Variants in PTPRD observed in about 807,000 individuals in gnomAD.
The protein encoded by PTPRD is receptor-type tyrosine-protein phosphatase delta.
Under a neutral mutation model 214.5 loss-of-function variants are expected in PTPRD, and 34 were observed. The ratio of observed to expected loss-of-function variants is 0.16; its 90% confidence interval spans 0.12 to 0.21. The LOEUF is 0.21. Among genes scored for constraint, PTPRD ranks in the 10% least tolerant of loss-of-function variants. PTPRD has a pLI of 1.00. For missense variants in PTPRD, 2,545 were observed against 2,398.7 expected (o/e 1.06, Z -1.27); for synonymous variants, 1,128 against 845.7 (o/e 1.33, Z -5.79).
intron 5 of PTPRD, among the ~76,000 whole-genome samples, chr9:9,932,507 C>T (rs1401899408): frequency 1.0e-3 from 131 of 130,636 alleles, no homozygotes; most frequent in Middle Eastern, 3.6e-3. Flanking sequence ...TGAAATGAAG[C>T]GAGAAGGGAA....
chr9:9,164,029 C>A (rs1193089577), intron 10 of PTPRD, among the ~76,000 whole-genome samples: 1 of 152,072 alleles, frequency 6.6e-6, no homozygotes, highest in African/African-American at 2.4e-5. Flanking sequence ...TATGTACTTC[C>A]CTTATCATAA....
intron 11 of PTPRD, among the ~76,000 whole-genome samples, chr9:8,997,819 A>C (rs754970869): frequency 6.6e-6 from 1 of 152,102 alleles, no homozygotes; most frequent in Non-Finnish European, 1.5e-5. Flanking sequence ...TCTTGAAGGA[A>C]ATTAAAAGTC....
intron 12 of PTPRD, among the ~76,000 whole-genome samples, chr9:8,720,437 G>C (rs1227943730): frequency 1.3e-5 from 2 of 152,172 alleles, no homozygotes; most frequent in East Asian, 3.8e-4. Context: ...TTCAAGGAGT[G>C]GGGAAACGGA....
At chr9:9,376,011 G>A (rs1400872028) in intron 9 of PTPRD, among the ~76,000 whole-genome samples, 1 of 152,098 alleles carries the variant, frequency 6.6e-6, no homozygotes, top group South Asian at 2.1e-4. Context: ...CATTCTCCTT[G>A]TAAAGAAGGT....
chr9:8,739,287 G>C (rs531578617), intron 11 of PTPRD, among the ~76,000 whole-genome samples: 13 of 152,320 alleles, frequency 8.5e-5, no homozygotes, highest in African/African-American at 3.1e-4. Flanking sequence ...ACATTTCACT[G>C]ACTTGTGGAT....
intron 4 of PTPRD, among the ~76,000 whole-genome samples, chr9:9,950,261 A>G (rs950870318): frequency 6.6e-6 from 1 of 152,122 alleles, no homozygotes; most frequent in East Asian, 1.9e-4. Flanking sequence ...CCAGATGGGG[A>G]TGCTGTGAAT....
intron 9 of PTPRD, among the ~76,000 whole-genome samples, chr9:9,253,166 CT>C (rs1393193665): frequency 2.0e-5 from 3 of 152,002 alleles, no homozygotes; most frequent in African/African-American, 7.2e-5. Context: ...GAAGTACCTA[CT>C]GACATAATAA....
chr9:10,583,672 G>C (rs1342286332), intron 2 of PTPRD, among the ~76,000 whole-genome samples: 2 of 151,938 alleles, frequency 1.3e-5, no homozygotes, highest in Admixed American at 6.6e-5. Flanking sequence ...TAGAGACAGA[G>C]TTTCACCATG....
rs113624587 is a variant in PTPRD at position 8,592,565 on chromosome 9, G to A, written c.352+40752C>T. On this transcript the variant is annotated intron_variant, in intron 14 of 45. Coordinates refer to ENST00000381196, the MANE Select transcript of PTPRD (RefSeq NM_002839.4). ...CGACACCAAAGGCATTCACACTTGAGATACTGACTGTCCTGATTCTACAGT... is the reference window on the plus strand; with the variant it reads ...CGACACCAAAGGCATTCACACTTGAAATACTGACTGTCCTGATTCTACAGT... Among the ~76,000 whole-genome samples the A allele has an allele frequency of 3.3e-3, 501 of 152,176 alleles. 5 individuals carry two copies. The highest frequency in any genetic ancestry group is 0.012 in the African/African-American group (486 of 41,554).
chr9:10,029,598 C>T (rs754063363), intron 4 of PTPRD, among the ~76,000 whole-genome samples: 1 of 152,114 alleles, frequency 6.6e-6, no homozygotes, highest in African/African-American at 2.4e-5. Flanking sequence ...GCCTGTAGCC[C>T]CTTTGTTTTG....
Position 8,437,403 on chromosome 9 carries a change from A to G in PTPRD, c.3989-714T>C, listed in dbSNP as rs191210000. Among the ~76,000 whole-genome samples the G allele has an allele frequency of 2.2e-4, 33 of 152,318 alleles. No homozygotes were observed. The East Asian group carries it at 3.9e-3, about 18-fold the overall frequency. ...GCTAGTACAATGTGACTACTACATT[A>G]AGATCGCTAATATTTCACAAACCTG... On this transcript the variant is annotated intron_variant, in intron 34 of 45. Transcript: ENST00000381196.
At chr9:8,585,019 C>G (rs1450670680) in intron 14 of PTPRD, among the ~76,000 whole-genome samples, 1 of 152,148 alleles carries the variant, frequency 6.6e-6, no homozygotes, top group Non-Finnish European at 1.5e-5. Context: ...CCCACTGGTT[C>G]CCTCTCATAA....
At chr9:9,976,113 T>C (rs963220573) in intron 4 of PTPRD, among the ~76,000 whole-genome samples, 6 of 152,124 alleles carry the variant, frequency 3.9e-5, no homozygotes, top group African/African-American at 1.4e-4. Context: ...AAGTGGAACA[T>C]TTTCAGATCC....
At chr9:9,658,010 G>C (rs16929996) in intron 7 of PTPRD, among the ~76,000 whole-genome samples, 1 of 152,038 alleles carries the variant, frequency 6.6e-6, no homozygotes. Context: ...GTTTCTTTTT[G>C]TGAATTTCGC....
chr9:10,383,574 CT>C (rs994260582), intron 2 of PTPRD, among the ~76,000 whole-genome samples: 1 of 151,510 alleles, frequency 6.6e-6, no homozygotes, highest in Non-Finnish European at 1.5e-5. Flanking sequence ...ACTCACTTTT[CT>C]TTTTTTAATT....
intron 9 of PTPRD, among the ~76,000 whole-genome samples, chr9:9,271,857 T>A (rs1241236926): frequency 2.0e-5 from 3 of 151,328 alleles, no homozygotes; most frequent in Non-Finnish European, 4.4e-5. Context: ...ATTCCAAAAA[T>A]AAAAATTATC....
chr9:9,372,799 G>T (rs978844152), intron 9 of PTPRD, among the ~76,000 whole-genome samples: 1 of 151,948 alleles, frequency 6.6e-6, no homozygotes, highest in African/African-American at 2.4e-5. Context: ...CTCTTTTTGG[G>T]CAGGCCTGGT....
chr9:8,883,320 T>G (rs2098461850), intron 11 of PTPRD, among the ~76,000 whole-genome samples: 3 of 152,198 alleles, frequency 2.0e-5, no homozygotes, highest in Admixed American at 2.0e-4. Flanking sequence ...CTCCTAGATT[T>G]GTTCTGTGTG....
At chr9:9,777,682 G>C (rs2098809318) in intron 5 of PTPRD, among the ~76,000 whole-genome samples, 1 of 152,126 alleles carries the variant, frequency 6.6e-6, no homozygotes, top group Non-Finnish European at 1.5e-5. Context: ...GCGCAACAGA[G>C]TGAGCCTCTA....
Sources: gnomAD v4.1 joint callset for allele counts (sites outside exome capture counted in the v4.1 genomes callset) on GRCh38, gnomAD v4.1.1 for gene constraint, MANE v1.5 for transcripts, NCBI Gene and HGNC (gene_info 2026-07-23, HGNC 2026-07-21) for gene names.